NOL10: variants seen among roughly 807,000 people sequenced by gnomAD.
NOL10 encodes the protein nucleolar protein 10.
Under a neutral mutation model 103.5 loss-of-function variants are expected in NOL10, and 58 were observed. The ratio of observed to expected loss-of-function variants is 0.56; its 90% confidence interval spans 0.45 to 0.70. The LOEUF is 0.70. Among genes scored for constraint, NOL10 ranks in the 30% least tolerant of loss-of-function variants. NOL10 has a pLI of 0.00. For missense variants in NOL10, 763 were observed against 807.3 expected (o/e 0.95, Z 0.67); for synonymous variants, 287 against 282.5 (o/e 1.02, Z -0.16).
intron 12 of NOL10, among the ~76,000 whole-genome samples, chr2:10,650,473 T>C (rs541111099): frequency 6.6e-6 from 1 of 152,256 alleles, no homozygotes; most frequent in African/African-American, 2.4e-5. Context: ...GCCACAACAA[T>C]CTTCATTAAA....
At chr2:10,591,923 A>G (rs564469319) in intron 17 of NOL10, among the ~76,000 whole-genome samples, 36 of 152,306 alleles carry the variant, frequency 2.4e-4, no homozygotes, top group African/African-American at 8.2e-4. Flanking sequence ...GGATCGCTTG[A>G]GCCTGGGAAG....
chr2:10,683,311 C>T (rs1681912441), intron 2 of NOL10, among the ~76,000 whole-genome samples: 1 of 152,148 alleles, frequency 6.6e-6, no homozygotes, highest in African/African-American at 2.4e-5. Flanking sequence ...ATTTTTCTTA[C>T]AATTTCTTGC....
At chr2:10,663,104 T>C (rs1680314700) in intron 8 of NOL10, 60 bp from the exon 9 acceptor site, 8 of 1,402,622 alleles carry the variant, frequency 5.7e-6, no homozygotes, top group Non-Finnish European at 8.0e-6. Context: ...TGGTGGCTCA[T>C]GCCTGTAATC....
intron 17 of NOL10, among the ~76,000 whole-genome samples, chr2:10,590,453 T>C (rs1053597589): frequency 2.0e-5 from 3 of 152,196 alleles, no homozygotes; most frequent in African/African-American, 7.2e-5. Context: ...AATAAGCAAT[T>C]CTTTCAACTT....
chr2:10,656,484 G>A, intron 11 of NOL10, among the ~76,000 whole-genome samples: 1 of 152,168 alleles, frequency 6.6e-6, no homozygotes, highest in Non-Finnish European at 1.5e-5. Context: ...AGGGCCTCAG[G>A]GATGTAGAAC....
At chr2:10,586,544 C>G (rs967167665) in intron 19 of NOL10, among the ~76,000 whole-genome samples, 2 of 152,152 alleles carry the variant, frequency 1.3e-5, no homozygotes. Flanking sequence ...TGGGTTTGAA[C>G]TGCACTGCTC....
intron 13 of NOL10, among the ~76,000 whole-genome samples, chr2:10,625,676 C>T (rs1243033656): frequency 2.6e-5 from 4 of 152,006 alleles, no homozygotes; most frequent in East Asian, 1.9e-4. Context: ...GAGCAATTTA[C>T]GGTGCTAGTA....
At chr2:10,602,660 G>A (rs1676041552) in intron 16 of NOL10, 116 bp downstream of exon 16, 1 of 681,436 alleles carries the variant, frequency 1.5e-6, no homozygotes, top group East Asian at 2.6e-5. Context: ...ATCAGTAAAA[G>A]ATGCAAATTA....
chr2:10,576,423 C>T (rs1197359968), intron 20 of NOL10, among the ~76,000 whole-genome samples: 13 of 152,148 alleles, frequency 8.5e-5, no homozygotes, highest in Non-Finnish European at 5.9e-5. Flanking sequence ...TTTTCACAGC[C>T]AATTATTAAT....
intron 13 of NOL10, among the ~76,000 whole-genome samples, chr2:10,622,304 A>C (rs1033149269): frequency 6.6e-6 from 1 of 152,236 alleles, no homozygotes; most frequent in African/African-American, 2.4e-5. Context: ...CTTTGAGAAT[A>C]GTATAAGGAG....
At chr2:10,642,483 C>CT (rs1678762997) in intron 13 of NOL10, among the ~76,000 whole-genome samples, 1 of 152,112 alleles carries the variant, frequency 6.6e-6, no homozygotes, top group Non-Finnish European at 1.5e-5. Flanking sequence ...CCTATCCCCC[C>CT]GCTTACAACT....
chr2:10,579,300 T>C (rs992419286), intron 19 of NOL10, among the ~76,000 whole-genome samples: 2 of 152,182 alleles, frequency 1.3e-5, no homozygotes, highest in Non-Finnish European at 2.9e-5. Flanking sequence ...GACTAACTAA[T>C]TAATCCTTTC....
chr2:10,574,648 A>G (rs1674361126), intron 20 of NOL10, among the ~76,000 whole-genome samples: 2 of 148,552 alleles, frequency 1.3e-5, no homozygotes, highest in South Asian at 2.1e-4. Context: ...CTCTGTCTCA[A>G]AAAAAAAAAA....
chr2:10,665,780 T>C (rs1042309583), intron 8 of NOL10, among the ~76,000 whole-genome samples: 20 of 152,262 alleles, frequency 1.3e-4, no homozygotes, highest in Non-Finnish European at 1.5e-5. Context: ...AAGAGAAAGC[T>C]TGATTTAGAC....
intron 3 of NOL10, among the ~76,000 whole-genome samples, chr2:10,679,866 C>T (rs1342408250): frequency 6.6e-6 from 1 of 152,174 alleles, no homozygotes; most frequent in African/African-American, 2.4e-5. Context: ...TGCAATCTGA[C>T]TGCCTCAGCC....
At chr2:10,671,095 A>C (rs1558343346) in intron 6 of NOL10, among the ~76,000 whole-genome samples, 1 of 152,244 alleles carries the variant, frequency 6.6e-6, no homozygotes, top group Non-Finnish European at 1.5e-5. Context: ...CATATGACCT[A>C]TTAATCACAA....
Position 10,673,513 on chromosome 2 carries a change from A to G in NOL10, c.327+7T>C. ...TAGTCAGTACAAACCAATGCTATAA[A>G]ACATACCTTTGAGTAGTCATCAGAC... On this transcript the variant is annotated splice_region_variant and intron_variant, in intron 5 of 20. Transcript: ENST00000381685. 4 of 1,591,730 alleles carry G rather than the reference A, an allele frequency of 2.5e-6. No individual in the cohort carries two copies. Among genetic ancestry groups the G allele is most frequent in the Non-Finnish European group, 3.4e-6 (4 of 1,166,736 alleles).
chr2:10,626,249 G>A (rs1677456455), intron 13 of NOL10, among the ~76,000 whole-genome samples: 1 of 152,072 alleles, frequency 6.6e-6, no homozygotes, highest in Admixed American at 6.6e-5. Flanking sequence ...AGCATGCATG[G>A]AGTCAATGAA....
intron 13 of NOL10, among the ~76,000 whole-genome samples, chr2:10,609,184 G>GCACA (rs1558287015): frequency 6.6e-6 from 1 of 151,506 alleles, no homozygotes; most frequent in Admixed American, 6.6e-5. Context: ...CCACACACAC[G>GCACA]CACATACACA....
Sources: gnomAD v4.1 joint callset for allele counts (sites outside exome capture counted in the v4.1 genomes callset) on GRCh38, gnomAD v4.1.1 for gene constraint, MANE v1.5 for transcripts, NCBI Gene and HGNC (gene_info 2026-07-23, HGNC 2026-07-21) for gene names.